ZNF354C: variants seen among roughly 807,000 people sequenced by gnomAD.
The protein encoded by ZNF354C is zinc finger protein 354C.
Under a neutral mutation model 12.4 loss-of-function variants are expected in ZNF354C, and 7 were observed. The observed-to-expected ratio is 0.56, with a 90% CI of 0.32 to 1.06. The LOEUF is 1.06. ZNF354C is among the 50% of genes least tolerant of loss of function. ZNF354C has a pLI of 0.04. For synonymous variants in ZNF354C, 202 were observed against 224.5 expected (o/e 0.90, Z 0.90); for missense variants, 609 against 658.0 (o/e 0.93, Z 0.81).
Position 179,083,117 on chromosome 5 carries a change from T to G in ZNF354C, c.*3020T>G. 1 of 563,818 alleles carries G rather than the reference T, an allele frequency of 1.8e-6. No homozygotes were observed. Among genetic ancestry groups the G allele is most frequent in the Non-Finnish European group, 3.2e-6 (1 of 314,414 alleles). 34.9% of individuals were successfully genotyped at this position (563,818 alleles called of 1,614,324 possible). ...TGGTCTGGACTTTTCAAAAAGCAAA[T>G]GTAGTAAAACAAAAAGTGGTCTCTG... On this transcript the variant is annotated 3_prime_UTR_variant, in exon 5 of 5. Transcript: ENST00000315475.
At position 179,080,118 on chromosome 5, in the gene ZNF354C, A is replaced by G. The variant is rs1043850820; in HGVS notation, c.*21A>G. ...TTTAGTTCATCTCTCAAATAATCCA[A>G]GACTTCTCACTGGGGAATAAGGGAA... On this transcript the variant is annotated 3_prime_UTR_variant, in exon 5 of 5. Coordinates refer to ENST00000315475, the MANE Select transcript of ZNF354C (RefSeq NM_014594.3). 5.3e-6 allele frequency: 8 copies of G among 1,496,826 alleles called. No individual in the cohort carries two copies. The highest frequency in any genetic ancestry group is 7.2e-6 in the Non-Finnish European group (8 of 1,113,654). 92.7% of individuals were successfully genotyped at this position (1,496,826 alleles called of 1,614,324 possible).
chr5:179,079,308 A>ATC lies in ZNF354C; in HGVS notation c.876_877insTC (p.Val293SerfsTer80). The ATC allele has an allele frequency of 6.2e-7, 1 of 1,614,214 alleles. No homozygotes were observed. The highest frequency in any genetic ancestry group is 8.5e-7 in the Non-Finnish European group (1 of 1,180,032). On this transcript the variant is annotated frameshift_variant, in exon 5 of 5. Coordinates refer to ENST00000315475, the MANE Select transcript of ZNF354C (RefSeq NM_014594.3). LOFTEE classifies it low-confidence loss of function (END_TRUNC). This position sits in a 1 kb window ranked among gnomAD's most constrained non-coding sequence, Gnocchi z 4.2. Reference sequence around the variant, plus strand: ...GTTCAACCCTTATCAAACATCTGAGAGTGCATACTGGAGAGAAACCGTATC... The same window carrying ATC: ...GTTCAACCCTTATCAAACATCTGAGATCGTGCATACTGGAGAGAAACCGTATC...
chr5:179,079,437 G>A lies in ZNF354C; in HGVS notation c.1005G>A (p.Lys335=), dbSNP rs2113126458. 1 of 1,613,984 alleles carries A rather than the reference G, an allele frequency of 6.2e-7. No homozygotes were observed. Among genetic ancestry groups the A allele is most frequent in the Middle Eastern group, 1.7e-4 (1 of 6,056 alleles). The part of the protein sequence containing the change: ...EKLYKCGECE[K]AFNCRAKLHR... ...TCTATAAATGCGGCGAATGTGAGAA[G>A]GCCTTCAACTGTAGAGCAAAACTTC... Residue 335 remains lysine (K), a synonymous_variant, in exon 5 of 5, where the codon AAG becomes AAA. Coordinates refer to ENST00000315475, the MANE Select transcript of ZNF354C (RefSeq NM_014594.3). This position sits in a 1 kb window ranked among gnomAD's most constrained non-coding sequence, Gnocchi z 4.2.
At chr5:179,076,070 A>G (rs1032611965) in intron 2 of ZNF354C, among the ~76,000 whole-genome samples, 10 of 152,166 alleles carry the variant, frequency 6.6e-5, no homozygotes, top group Admixed American at 4.6e-4. Flanking sequence ...TTCACCGTCT[A>G]GTGGTTCCCT....
intron 2 of ZNF354C, among the ~76,000 whole-genome samples, chr5:179,068,031 C>A (rs1761982162): frequency 6.6e-6 from 1 of 152,044 alleles, no homozygotes; most frequent in South Asian, 2.1e-4. Flanking sequence ...CATGATGGTG[C>A]ACATCTATAG....
In ZNF354C at chr5:179,079,695, C is replaced by T; in HGVS notation, c.1263C>T (p.Phe421=). 6.2e-7 allele frequency: 1 copy of T among 1,614,194 alleles called. No homozygotes were observed. Residue 421 remains phenylalanine, a synonymous_variant, in exon 5 of 5, where the codon TTC becomes TTT. Transcript: ENST00000315475. The surrounding 1 kb of genome is among the most constrained non-coding windows in gnomAD (Gnocchi z 4.2). ...AGTGCAACGAATGTGAGAAAGCCTT[C>T]AACCAGTATTCATCCTTTAATGAAC... ...PYQCNECEKA[F]NQYSSFNEHR...
intron 2 of ZNF354C, among the ~76,000 whole-genome samples, chr5:179,062,485 T>C (rs541597816): frequency 5.3e-5 from 8 of 152,302 alleles, no homozygotes; most frequent in Admixed American, 5.2e-4. Context: ...TTGAGCCCTA[T>C]GTACAGGATC....
chr5:179,083,203 C>A lies in ZNF354C; in HGVS notation c.*3106C>A, dbSNP rs962198772. The A allele has an allele frequency of 3.2e-6, 1 of 313,326 alleles. No individual in the cohort carries two copies. The highest frequency in any genetic ancestry group is 6.2e-5 in the East Asian group (1 of 16,248). The allele number at this position is 313,326 out of a possible 1,614,324, so 19.4% of individuals were successfully genotyped here. On this transcript the variant is annotated 3_prime_UTR_variant, in exon 5 of 5. Transcript: ENST00000315475. ...TGTGATCCTTTATTAGCTTCTGATT[C>A]ATAAAAAAACCTATAAGAGACATTT...
chr5:179,073,656 T>C (rs71611479), intron 2 of ZNF354C, among the ~76,000 whole-genome samples: 1 of 150,216 alleles, frequency 6.7e-6, no homozygotes, highest in South Asian at 2.1e-4. Context: ...TTTGTTGTTG[T>C]TGTTTTTTGT....
Position 179,079,869 on chromosome 5 carries a change from G to T in ZNF354C, c.1437G>T (p.Gln479His). The change falls in exon 5 of 5, where the codon CAG becomes CAT. Residue 479 changes from glutamine (Q) to histidine (H), a missense_variant. By Grantham distance (24) the Gln-to-His change is conservative (BLOSUM62 0). Transcript: ENST00000315475. The surrounding 1 kb of genome is among the most constrained non-coding windows in gnomAD (Gnocchi z 4.2). Reference sequence around the variant, plus strand: ...ATCAGTGTGGAAAGGCCTTCAGCCAGTATTCATTTTTAACCGAACATGAGA... The same window carrying T: ...ATCAGTGTGGAAAGGCCTTCAGCCATTATTCATTTTTAACCGAACATGAGA... ...QCNQCGKAFS[Q>H]YSFLTEHERI... 6.2e-7 allele frequency: 1 copy of T among 1,613,912 alleles called. No individual in the cohort carries two copies. Among genetic ancestry groups the T allele is most frequent in the South Asian group, 1.1e-5 (1 of 91,024 alleles).
At position 179,078,986 on chromosome 5, in the gene ZNF354C, G is replaced by T; in HGVS notation, c.554G>T (p.Arg185Met). The change falls in exon 5 of 5, where the codon AGG becomes ATG. Residue 185 changes from arginine to methionine, a missense_variant. By Grantham distance (91) the Arg-to-Met change is moderately conservative. Coordinates refer to ENST00000315475, the MANE Select transcript of ZNF354C (RefSeq NM_014594.3). ...ACACAACAGAGTGTTCCTATAGAAA[G>T]GATACCCAATATGTATTATACATTT... ...LVTQQSVPIE[R>M]IPNMYYTFGK... 1 of 1,613,554 alleles carries T rather than the reference G, an allele frequency of 6.2e-7. No individual in the cohort carries two copies. The highest frequency in any genetic ancestry group is 8.5e-7 in the Non-Finnish European group (1 of 1,179,910).
In ZNF354C at chr5:179,082,632, A is replaced by G. The variant is rs1762244687; in HGVS notation, c.*2535A>G. ...AGAAACCTTCACCAGATTCCTCCCA[A>G]CTTGATCATAGTGGATTAATGACGT... On this transcript the variant is annotated 3_prime_UTR_variant, in exon 5 of 5. Transcript: ENST00000315475. 1.4e-6 allele frequency: 2 copies of G among 1,445,684 alleles called. No individual in the cohort carries two copies. Among genetic ancestry groups the G allele is most frequent in the African/African-American group, 2.8e-5 (2 of 70,702 alleles). 89.6% of individuals were successfully genotyped at this position (1,445,684 alleles called of 1,614,324 possible).
Position 179,083,253 on chromosome 5 carries a change from A to AGAT in ZNF354C, c.*3158_*3160dup. ...TGGGGGGATATTTGGGGAAATAGGAAGATGGAATGGGTAGTAGATAATGTG... is the reference window on the plus strand; with the variant it reads ...TGGGGGGATATTTGGGGAAATAGGAAGATGATGGAATGGGTAGTAGATAATGTG... On this transcript the variant is annotated 3_prime_UTR_variant, in exon 5 of 5. Transcript: ENST00000315475. 8.0e-6 allele frequency: 2 copies of AGAT among 249,386 alleles called. No homozygotes were observed. Among genetic ancestry groups the AGAT allele is most frequent in the Non-Finnish European group, 1.5e-5 (2 of 133,986 alleles). 15.4% of individuals were successfully genotyped at this position (249,386 alleles called of 1,614,324 possible). A position where few individuals can be genotyped will look rare whatever the true frequency, so the allele number is the denominator to read the frequency against.
rs1463138591 is a variant in ZNF354C, at chr5:179,080,160, A to G, written c.*63A>G. 25 of 1,238,262 alleles carry G rather than the reference A, an allele frequency of 2.0e-5. No homozygotes were observed. Among genetic ancestry groups the G allele is most frequent in the Non-Finnish European group, 2.6e-5 (23 of 891,802 alleles). 76.7% of individuals were successfully genotyped at this position (1,238,262 alleles called of 1,614,324 possible). On this transcript the variant is annotated 3_prime_UTR_variant, in exon 5 of 5. Transcript: ENST00000315475. ...ATAAGGGAATAATAAATAGGGTACAAACTCCTAATAGATTTGTCTTTTTTA... is the reference window on the plus strand; with the variant it reads ...ATAAGGGAATAATAAATAGGGTACAGACTCCTAATAGATTTGTCTTTTTTA...
At chr5:179,062,220 CA>C in intron 2 of ZNF354C, 125 bp downstream of exon 2, 1 of 1,277,778 alleles carries the variant, frequency 7.8e-7, no homozygotes, top group Non-Finnish European at 1.1e-6. Context: ...TCCGGAACCT[CA>C]AAAGTTTTTC....
rs749103628 is a variant in ZNF354C at position 179,080,098 on chromosome 5, T to C, written c.*1T>C. On this transcript the variant is annotated 3_prime_UTR_variant, in exon 5 of 5. Coordinates refer to ENST00000315475, the MANE Select transcript of ZNF354C (RefSeq NM_014594.3). The stretch of plus-strand genomic sequence containing the variant: ...AGGAGATAAAGCCTATGAGGTTTAG[T>C]TCATCTCTCAAATAATCCAAGACTT... The C allele has an allele frequency of 6.5e-7, 1 of 1,542,564 alleles. No homozygotes were observed. The highest frequency in any genetic ancestry group is 8.7e-7 in the Non-Finnish European group (1 of 1,148,138).
At chr5:179,077,809 C>CTTTT (rs1422265959) in intron 4 of ZNF354C, among the ~76,000 whole-genome samples, 2 of 121,310 alleles carry the variant, frequency 1.6e-5, no homozygotes, top group East Asian at 2.5e-4. Context: ...CCCCCCACTC[C>CTTTT]TTTTTTTTTT....
intron 2 of ZNF354C, among the ~76,000 whole-genome samples, chr5:179,074,347 C>T (rs1371939069): frequency 1.3e-5 from 2 of 149,440 alleles, no homozygotes; most frequent in African/African-American, 2.5e-5. Flanking sequence ...AGGAAGTTCT[C>T]GCACTCCTGA....
At position 179,070,622 on chromosome 5, in the gene ZNF354C, C is replaced by T. The variant is rs62393083; in HGVS notation, c.28-5823C>T. 4.4e-3 allele frequency among the ~76,000 whole-genome samples: 665 copies of T among 152,260 alleles called. 3 individuals are homozygous for T. The highest frequency in any genetic ancestry group is 7.5e-3 in the Non-Finnish European group (512 of 68,018). On this transcript the variant is annotated intron_variant, in intron 2 of 4. Coordinates refer to ENST00000315475, the MANE Select transcript of ZNF354C (RefSeq NM_014594.3). Reference sequence around the variant, plus strand: ...GTCTCTTGTGTAAATGAGCCAAAGTCAGTTTCTATTGCTGGAAACCTAAAA... The same window carrying T: ...GTCTCTTGTGTAAATGAGCCAAAGTTAGTTTCTATTGCTGGAAACCTAAAA...
Sources: gnomAD v4.1 joint callset for allele counts (sites outside exome capture counted in the v4.1 genomes callset) on GRCh38, gnomAD v4.1.1 for gene constraint, Gnocchi (gnomAD v3.1) non-coding constraint, MANE v1.5 for transcripts, NCBI Gene and HGNC (gene_info 2026-07-23, HGNC 2026-07-21) for gene names.